Variants in UVRAG observed in about 807,000 individuals in gnomAD.
UVRAG encodes the protein UV radiation resistance-associated gene protein.
Under a neutral mutation model 78.0 loss-of-function variants are expected in UVRAG, and 19 were observed. The ratio of observed to expected loss-of-function variants is 0.24; its 90% CI spans 0.17 to 0.36. UVRAG has a LOEUF of 0.36. Among genes scored for constraint, UVRAG ranks in the 10% least tolerant of loss-of-function variants. The pLI is 1.00. For synonymous variants in UVRAG, 323 were observed against 324.6 expected (o/e 1.00, Z 0.05); for missense variants, 740 against 853.8 (o/e 0.87, Z 1.66).
At chr11:76,048,501 T>A (rs1231758280) in intron 12 of UVRAG, among the ~76,000 whole-genome samples, 1 of 152,308 alleles carries the variant, frequency 6.6e-6, no homozygotes, top group South Asian at 2.1e-4. Context: ...AACCTAGATG[T>A]TTGCATTGGT....
intron 4 of UVRAG, among the ~76,000 whole-genome samples, chr11:75,880,928 C>CTTTTTTTTTTTT (rs773034018): frequency 1.1e-5 from 1 of 87,710 alleles, no homozygotes; most frequent in Non-Finnish European, 2.3e-5. Flanking sequence ...TTATTTACTT[C>CTTTTTTTTTTTT]TTTTTTTTTT....
chr11:75,977,519 G>C (rs1949270445), intron 7 of UVRAG, among the ~76,000 whole-genome samples: 1 of 152,106 alleles, frequency 6.6e-6, no homozygotes, highest in Non-Finnish European at 1.5e-5. Context: ...TCTCTTTGTA[G>C]GTCTCTAAGG....
chr11:76,059,745 G>A (rs1951047522), intron 12 of UVRAG, among the ~76,000 whole-genome samples: 1 of 152,210 alleles, frequency 6.6e-6, no homozygotes, highest in South Asian at 2.1e-4. Context: ...AATCAGGTGG[G>A]TAAAGTTGAA....
At position 75,952,700 on chromosome 11, in the gene UVRAG, A is replaced by G. The variant is rs116960924; in HGVS notation, c.594-8744A>G. The stretch of plus-strand genomic sequence containing the variant: ...AGAGTTGATTTGCTAACATTTTATT[A>G]ATGGTTTTTGCATTTATGTTCATGT... On this transcript the variant is annotated intron_variant, in intron 6 of 14. Transcript: ENST00000356136. Among the ~76,000 whole-genome samples, 1,131 of 152,056 alleles carry G rather than the reference A, an allele frequency of 7.4e-3. 15 individuals carry two copies. Among genetic ancestry groups the G allele is most frequent in the Non-Finnish European group, 8.7e-3 (588 of 67,948 alleles).
chr11:75,956,901 C>A (rs922545678), intron 6 of UVRAG, among the ~76,000 whole-genome samples: 2 of 151,934 alleles, frequency 1.3e-5, no homozygotes, highest in African/African-American at 4.8e-5. Context: ...GTGTTCATTT[C>A]ATTCTGTTGT....
At chr11:76,087,666 A>C (rs1002707650) in intron 13 of UVRAG, among the ~76,000 whole-genome samples, 3 of 152,168 alleles carry the variant, frequency 2.0e-5, no homozygotes, top group Non-Finnish European at 2.9e-5. Context: ...ACTTTATCAA[A>C]GTATTTTTAT....
In UVRAG at chr11:75,879,946, T is replaced by G; in HGVS notation, c.338T>G (p.Phe113Cys). The G allele has an allele frequency of 1.9e-6, 3 of 1,614,236 alleles. No homozygotes were observed. Among genetic ancestry groups the G allele is most frequent in the Non-Finnish European group, 2.5e-6 (3 of 1,180,040 alleles). The change falls in exon 4 of 15, where the codon TTC becomes TGC. Residue 113 changes from phenylalanine (F) to cysteine (C), a missense_variant. Physicochemically the swap from Phe to Cys is radical, Grantham distance 205 (BLOSUM62 -2). Transcript: ENST00000356136. ...CGTCTTGATACATCTGTGTCTTGTT[T>G]CGTGGTGAAGATATGGGGTGGAAAG... The part of the protein sequence containing the change: ...PDRLDTSVSC[F>C]VVKIWGGKEN...
intron 12 of UVRAG, among the ~76,000 whole-genome samples, chr11:76,038,248 C>G (rs998207345): frequency 1.3e-5 from 2 of 151,994 alleles, no homozygotes; most frequent in African/African-American, 4.8e-5. Flanking sequence ...ATCTTGCTTA[C>G]TCAAGCATTA....
chr11:75,862,283 G>A (rs538594566), intron 3 of UVRAG, among the ~76,000 whole-genome samples: 24 of 151,982 alleles, frequency 1.6e-4, no homozygotes, highest in Non-Finnish European at 2.9e-5. Flanking sequence ...TTTATGCCTC[G>A]GGCTTTTGTA....
intron 6 of UVRAG, 89 bp downstream of exon 6, chr11:75,912,128 C>A: frequency 1.1e-6 from 1 of 943,010 alleles, no homozygotes; most frequent in Non-Finnish European, 1.7e-6. Flanking sequence ...TTAACGGAAG[C>A]TTTAGAGGCT....
intron 13 of UVRAG, among the ~76,000 whole-genome samples, chr11:76,097,847 A>G (rs1951812974): frequency 6.6e-6 from 1 of 152,160 alleles, no homozygotes. Context: ...ATATGGATGA[A>G]CTTAGGTTCA....
intron 3 of UVRAG, among the ~76,000 whole-genome samples, chr11:75,870,392 A>T (rs1236882315): frequency 2.0e-5 from 3 of 152,212 alleles, no homozygotes; most frequent in Admixed American, 1.3e-4. Context: ...AATATTTGCT[A>T]CAACAACCCC....
At position 76,017,042 on chromosome 11, in the gene UVRAG, A is replaced by T. The variant is rs184394243; in HGVS notation, c.1226+62A>T. 6.5e-6 allele frequency: 8 copies of T among 1,221,928 alleles called. No homozygotes were observed. The Admixed American group carries it at 2.1e-4, about 32-fold the overall frequency. The allele number at this position is 1,221,928 out of a possible 1,614,324, so 75.7% of individuals were successfully genotyped here. A position where few individuals can be genotyped will look rare whatever the true frequency, so the allele number is the denominator to read the frequency against. On this transcript the variant is annotated intron_variant, in intron 12 of 14. Transcript: ENST00000356136. ...CAAGCCAGTATAAAACATGGGGTAT[A>T]ACAAAATACATAAAATGTAATCTAA...
intron 3 of UVRAG, among the ~76,000 whole-genome samples, chr11:75,877,054 AC>A (rs1946800894): frequency 6.6e-6 from 1 of 151,202 alleles, no homozygotes; most frequent in Admixed American, 6.6e-5. Context: ...ATGACTCTTA[AC>A]GAGCATGCTG....
At chr11:76,128,270 C>A (rs192441730) in intron 14 of UVRAG, among the ~76,000 whole-genome samples, 16 of 152,218 alleles carry the variant, frequency 1.1e-4, no homozygotes, top group Admixed American at 9.2e-4. Context: ...ACTACTCACG[C>A]GGGGGATCTA....
At chr11:75,987,710 CT>C (rs1378985445) in intron 8 of UVRAG, among the ~76,000 whole-genome samples, 1 of 150,402 alleles carries the variant, frequency 6.6e-6, no homozygotes, top group Non-Finnish European at 1.5e-5. Flanking sequence ...GTTTTGCATC[CT>C]TTACCCATTT....
chr11:75,819,995 A>T (rs1369152024), intron 1 of UVRAG, among the ~76,000 whole-genome samples: 2 of 151,878 alleles, frequency 1.3e-5, no homozygotes, highest in African/African-American at 2.4e-5. Context: ...TTTTATTTTT[A>T]TTTTTTTTAG....
At chr11:75,986,253 A>ATT (rs1443859636) in intron 8 of UVRAG, among the ~76,000 whole-genome samples, 1 of 152,188 alleles carries the variant, frequency 6.6e-6, no homozygotes, top group Non-Finnish European at 1.5e-5. Flanking sequence ...AAGATAGTGT[A>ATT]TGGGTCTTTC....
intron 1 of UVRAG, among the ~76,000 whole-genome samples, chr11:75,827,633 C>CA (rs1417795231): frequency 6.8e-6 from 1 of 147,446 alleles, no homozygotes; most frequent in Non-Finnish European, 1.5e-5. Flanking sequence ...AACAAACAAA[C>CA]AAAAAACTAA....
Sources: allele counts gnomAD v4.1 joint callset (sites outside exome capture counted in the v4.1 genomes callset), GRCh38; gene constraint gnomAD v4.1.1; transcripts MANE v1.5; gene names NCBI Gene and HGNC (gene_info 2026-07-23, HGNC 2026-07-21).